UBP1: variants seen among roughly 807,000 people sequenced by gnomAD.
The protein encoded by UBP1 is upstream-binding protein 1.
In UBP1, 22 loss-of-function variants were observed where a neutral mutation model predicts 76.1. The ratio of observed to expected loss-of-function variants is 0.29; its 90% CI spans 0.21 to 0.41. The LOEUF is 0.41. Ranked by LOEUF, UBP1 falls within the 10% of genes least tolerant of loss-of-function variation. The probability of loss-of-function intolerance (pLI) is 1.00; values close to 1 mark genes in which losing one functional copy is unlikely to be tolerated. For missense variants in UBP1, 436 were observed against 668.1 expected, an observed-to-expected ratio of 0.65 and a Z score of 3.83; for synonymous variants, 224 against 237.1, an observed-to-expected ratio of 0.94 and a Z score of 0.51.
At chr3:33,438,615 G>C (rs2045238100) in intron 1 of UBP1, among the ~76,000 whole-genome samples, 1 of 152,238 alleles carries the variant, frequency 6.6e-6, no homozygotes. Context: ...ATCAGAGCCA[G>C]ACGCTGGGGA....
At chr3:33,416,594 A>G (rs2044734772) in intron 3 of UBP1, among the ~76,000 whole-genome samples, 164 bp downstream of exon 3, 2 of 152,208 alleles carry the variant, frequency 1.3e-5, no homozygotes, top group South Asian at 2.1e-4. Flanking sequence ...ACTCTACCCA[A>G]TAACTGCTAT....
At chr3:33,438,002 GAC>G (rs1009244543) in intron 1 of UBP1, among the ~76,000 whole-genome samples, 1 of 151,948 alleles carries the variant, frequency 6.6e-6, no homozygotes, top group African/African-American at 2.4e-5. Flanking sequence ...TAGATTAAAT[GAC>G]ACAACCAAAA....
At chr3:33,434,289 C>CTT (rs371209882) in intron 1 of UBP1, among the ~76,000 whole-genome samples, 1,030 of 101,270 alleles carry the variant, frequency 0.01, 41 homozygotes, top group Non-Finnish European at 0.015. Flanking sequence ...TCAGCAAATC[C>CTT]TTTTTTTTTT....
In UBP1 at chr3:33,390,217, A is replaced by C; in HGVS notation, c.*114T>G. 9.4e-7 allele frequency: 1 copy of C among 1,063,452 alleles called. No homozygotes were observed. Among genetic ancestry groups the C allele is most frequent in the Non-Finnish European group, 1.4e-6 (1 of 717,944 alleles). The allele number at this position is 1,063,452 out of a possible 1,614,324, so 65.9% of individuals were successfully genotyped here. A position where few individuals can be genotyped will look rare whatever the true frequency, so the allele number is the denominator to read the frequency against. ...ATTAGAAAGGTCATCTTGTGTTTTC[A>C]ATATGAAACATTTCATATGGTAAAA... On this transcript the variant is annotated 3_prime_UTR_variant, in exon 16 of 16. Transcript: ENST00000283629.
intron 11 of UBP1, chr3:33,398,463 GCA>G (rs772509781): frequency 3.3e-5 from 5 of 152,186 alleles, no homozygotes; most frequent in Admixed American, 6.5e-5. Flanking sequence ...GTATGTGTGT[GCA>G]CACCCTTAAC....
chr3:33,436,369 C>T (rs2045204932), intron 1 of UBP1, among the ~76,000 whole-genome samples: 1 of 152,180 alleles, frequency 6.6e-6, no homozygotes, highest in Non-Finnish European at 1.5e-5. Context: ...TTTCAATCAA[C>T]ATAGGAAATC....
intron 2 of UBP1, among the ~76,000 whole-genome samples, chr3:33,421,157 A>G (rs1286135747): frequency 2.6e-5 from 4 of 152,204 alleles, no homozygotes; most frequent in Admixed American, 6.5e-5. Flanking sequence ...CCCAAAGGGA[A>G]AGCCAGCTAT....
chr3:33,441,353 C>G (rs894789134), upstream of UBP1: 6 of 152,306 alleles, frequency 3.9e-5, no homozygotes, highest in African/African-American at 1.4e-4. Context: ...ACGTCAAGGC[C>G]CGGGCTTCGC....
chr3:33,402,831 G>C lies in UBP1; in HGVS notation c.1001C>G (p.Pro334Arg). The change falls in exon 9 of 16, where the codon CCA becomes CGA. Residue 334 changes from proline (P) to arginine (R), a missense_variant. Physicochemically the swap from Pro to Arg is moderately radical, Grantham distance 103 (BLOSUM62 -2). Transcript: ENST00000283629. ...SPSPAPTFTS[P>R]QQSTCSVPDS... ...TGGGACACTGCAAGTGCTCTGCTGT[G>C]GGGAGGTGAAAGTGGGCGCTGGGGA... The C allele has an allele frequency of 6.2e-7, 1 of 1,605,474 alleles. No homozygotes were observed. The highest frequency in any genetic ancestry group is 8.5e-7 in the Non-Finnish European group (1 of 1,176,796).
chr3:33,394,552 T>G (rs1162264204), intron 13 of UBP1, among the ~76,000 whole-genome samples: 2 of 152,188 alleles, frequency 1.3e-5, no homozygotes, highest in Non-Finnish European at 2.9e-5. Context: ...ACAGAACTTA[T>G]CAGCAGACAT....
At chr3:33,398,706 C>T (rs530048296) in intron 11 of UBP1, among the ~76,000 whole-genome samples, 1 of 152,194 alleles carries the variant, frequency 6.6e-6, no homozygotes, top group Non-Finnish European at 1.5e-5. Flanking sequence ...TCACTGCTCA[C>T]AGCGAAAGGG....
In UBP1 at chr3:33,426,039, A is replaced by ATATATATATATATATG. The variant is rs61119304; in HGVS notation, c.114-299_114-298insCATATATATATATATA. 4.9e-4 allele frequency among the ~76,000 whole-genome samples: 41 copies of ATATATATATATATATG among 82,852 alleles called. 3 individuals are homozygous for ATATATATATATATATG. Among genetic ancestry groups the ATATATATATATATATG allele is most frequent in the East Asian group, 9.9e-4 (1 of 1,010 alleles). The allele number at this position is 82,852 out of a possible 152,430, so 54.4% of individuals were successfully genotyped here. On this transcript the variant is annotated intron_variant, in intron 1 of 15. Coordinates refer to ENST00000283629, the MANE Select transcript of UBP1 (RefSeq NM_014517.5). ...TATATATATATATATATATATATAT[A>ATATATATATATATATG]GCACTTTAAAAACTTCTTTTAAAAC...
Position 33,395,259 on chromosome 3 carries a change from C to G in UBP1, c.1390+903G>C, listed in dbSNP as rs550765841. ...TCCAATTTTTCAGTAAAATTCAAACCACAAGACATTTTTCAGAGCTCTACC... is the reference window on the plus strand; with the variant it reads ...TCCAATTTTTCAGTAAAATTCAAACGACAAGACATTTTTCAGAGCTCTACC... On this transcript the variant is annotated intron_variant, in intron 13 of 15. Transcript: ENST00000283629. Among the ~76,000 whole-genome samples the G allele has an allele frequency of 1.6e-4, 25 of 151,972 alleles. No individual in the cohort carries two copies. The South Asian group carries it at 4.8e-3, about 29-fold the overall frequency.
rs767537037 is a variant in UBP1 at position 33,439,886 on chromosome 3, C to A, written c.-38G>T. ...CCGTCGCCCCGCACACCGCGGCCTC[C>A]GCGTCCAGGGCGAAGGAGCCGGAGC... On this transcript the variant is annotated 5_prime_UTR_variant, in exon 1 of 16. Transcript: ENST00000283629. 5.2e-5 allele frequency: 84 copies of A among 1,606,630 alleles called. No individual in the cohort carries two copies. The highest frequency in any genetic ancestry group is 6.8e-5 in the Non-Finnish European group (80 of 1,176,902).
intron 1 of UBP1, among the ~76,000 whole-genome samples, chr3:33,436,080 C>T (rs1036140748): frequency 2.0e-5 from 3 of 152,188 alleles, no homozygotes; most frequent in Admixed American, 1.3e-4. Context: ...TAATACTGAT[C>T]TAAGTTGAAA....
At chr3:33,425,995 GA>G (rs1559690403) in intron 1 of UBP1, among the ~76,000 whole-genome samples, 8 of 51,956 alleles carry the variant, frequency 1.5e-4, no homozygotes, top group Admixed American at 2.2e-4. Flanking sequence ...GGGCAGCTCT[GA>G]ATATATATAT....
chr3:33,429,324 A>G (rs2154059568), intron 1 of UBP1, among the ~76,000 whole-genome samples: 1 of 152,274 alleles, frequency 6.6e-6, no homozygotes, highest in East Asian at 1.9e-4. Context: ...ACAGAATGTT[A>G]AACGGAACTA....
chr3:33,414,112 C>A (rs777782214), intron 3 of UBP1: 19 of 151,828 alleles, frequency 1.3e-4, no homozygotes, highest in Non-Finnish European at 1.9e-4. Flanking sequence ...AAAAGGAGGA[C>A]CAAAGTTAGG....
At chr3:33,428,891 C>T (rs1293905084) in intron 1 of UBP1, among the ~76,000 whole-genome samples, 1 of 151,814 alleles carries the variant, frequency 6.6e-6, no homozygotes, top group Non-Finnish European at 1.5e-5. Flanking sequence ...CCAACTACCC[C>T]GGCCTCCTGA....
Sources: gnomAD v4.1 joint callset for allele counts (sites outside exome capture counted in the v4.1 genomes callset) on GRCh38, gnomAD v4.1.1 for gene constraint, MANE v1.5 for transcripts, NCBI Gene and HGNC (gene_info 2026-07-23, HGNC 2026-07-21) for gene names.